The following RPS6KC1 variants were observed in gnomAD, a reference collection of about 807,000 sequenced individuals.
RPS6KC1 encodes the protein ribosomal protein S6 kinase C1, also known as inactive ribosomal protein S6 kinase delta-1.
Under a neutral mutation model 103.8 loss-of-function variants are expected in RPS6KC1, and 54 were observed. The observed-to-expected ratio is 0.52, with a 90% CI of 0.42 to 0.65. The LOEUF is 0.65. RPS6KC1 is among the 30% of genes least tolerant of loss of function. The probability of loss-of-function intolerance (pLI) is 0.00; values close to 1 mark genes in which losing one functional copy is unlikely to be tolerated. For missense variants in RPS6KC1, 1,151 were observed against 1,253.8 expected (o/e 0.92, Z 1.24); for synonymous variants, 439 against 438.7 (o/e 1.00, Z -0.01).
intron 14 of RPS6KC1, among the ~76,000 whole-genome samples, chr1:213,265,792 G>T (rs2094898066): frequency 6.6e-6 from 1 of 152,136 alleles, no homozygotes; most frequent in African/African-American, 2.4e-5. Flanking sequence ...TATGGATTTG[G>T]TAATACCCAA....
chr1:213,395,080 G>C, the RPS6KC1 span, among the ~76,000 whole-genome samples: 1 of 152,168 alleles, frequency 6.6e-6, no homozygotes, highest in Admixed American at 6.5e-5. Flanking sequence ...CTCTTGCCCT[G>C]GCTGCCATTG....
the RPS6KC1 span, among the ~76,000 whole-genome samples, chr1:213,772,741 C>T: frequency 3.3e-5 from 5 of 152,100 alleles, no homozygotes; most frequent in African/African-American, 1.2e-4. Flanking sequence ...CTGAACACCC[C>T]GGAGGCAGGG....
the RPS6KC1 span, among the ~76,000 whole-genome samples, chr1:213,602,885 T>C: frequency 6.6e-6 from 1 of 152,260 alleles, no homozygotes; most frequent in Admixed American, 6.5e-5. Context: ...ATTTTCCCCA[T>C]GGAGATCAGA....
chr1:213,526,970 A>G, the RPS6KC1 span, among the ~76,000 whole-genome samples: 1 of 152,338 alleles, frequency 6.6e-6, no homozygotes, highest in African/African-American at 2.4e-5. Context: ...TACTGAGCCA[A>G]TTCATTGGAT....
chr1:213,151,686 G>A (rs1241580748), intron 6 of RPS6KC1, among the ~76,000 whole-genome samples: 4 of 97,598 alleles, frequency 4.1e-5, no homozygotes, highest in Admixed American at 8.5e-5. Flanking sequence ...GGGCAGACGC[G>A]CCCCTCACCT....
the RPS6KC1 span, among the ~76,000 whole-genome samples, chr1:213,743,408 G>T: frequency 6.6e-6 from 1 of 151,920 alleles, no homozygotes; most frequent in Non-Finnish European, 1.5e-5. Flanking sequence ...AGAGAGGAAT[G>T]GGTGGAAAAA....
intron 5 of RPS6KC1, among the ~76,000 whole-genome samples, chr1:213,119,502 G>C (rs2084133604): frequency 8.6e-6 from 1 of 116,846 alleles, no homozygotes; most frequent in Admixed American, 9.6e-5. Context: ...ATATATATGA[G>C]AGTATTCAAT....
At chr1:213,167,442 ACACACACACACACACACAC>A (rs2091066651) in intron 6 of RPS6KC1, among the ~76,000 whole-genome samples, 1 of 59,188 alleles carries the variant, frequency 1.7e-5, no homozygotes, top group East Asian at 3.5e-4. Flanking sequence ...GGTTGAAAAC[ACACACACACACACACACAC>A]ACACACACAC....
chr1:213,153,524 C>A (rs2089508312), intron 6 of RPS6KC1, among the ~76,000 whole-genome samples: 1 of 152,128 alleles, frequency 6.6e-6, no homozygotes, highest in Non-Finnish European at 1.5e-5. Flanking sequence ...TTGTTTCTGT[C>A]TTATTGTGTT....
chr1:213,523,029 A>G, the RPS6KC1 span, among the ~76,000 whole-genome samples: 1 of 152,180 alleles, frequency 6.6e-6, no homozygotes, highest in African/African-American at 2.4e-5. Context: ...ACTAAGCTTA[A>G]TCATTTCTAG....
chr1:213,423,507 G>C, the RPS6KC1 span, among the ~76,000 whole-genome samples: 2 of 152,200 alleles, frequency 1.3e-5, no homozygotes, highest in African/African-American at 4.8e-5. Flanking sequence ...GACAAGGAGA[G>C]TACCCAGGAG....
chr1:213,287,831 C>T, the RPS6KC1 span, among the ~76,000 whole-genome samples: 1 of 152,224 alleles, frequency 6.6e-6, no homozygotes, highest in Non-Finnish European at 1.5e-5. Context: ...GCTAGCACCA[C>T]TGGGGCTCTA....
chr1:213,600,446 T>C, the RPS6KC1 span, among the ~76,000 whole-genome samples: 1 of 152,214 alleles, frequency 6.6e-6, no homozygotes, highest in Non-Finnish European at 1.5e-5. Context: ...AATTCCATTC[T>C]GGGAACATAA....
At chr1:213,722,397 G>A in the RPS6KC1 span, among the ~76,000 whole-genome samples, 1 of 152,096 alleles carries the variant, frequency 6.6e-6, no homozygotes, top group Non-Finnish European at 1.5e-5. Context: ...ATACTGTGAT[G>A]TTACAATACA....
At chr1:213,211,399 A>G (rs1029980333) in intron 8 of RPS6KC1, among the ~76,000 whole-genome samples, 1 of 152,234 alleles carries the variant, frequency 6.6e-6, no homozygotes, top group Non-Finnish European at 1.5e-5. Flanking sequence ...GGAGAGATCT[A>G]GCTTTTAAAG....
rs1553357688 is a variant in RPS6KC1, at chr1:213,167,489, C to CGCACACAA, written c.836-369_836-368insGCACACAA. On this transcript the variant is annotated intron_variant, in intron 6 of 14. Transcript: ENST00000366960. Reference sequence around the variant, plus strand: ...ACACACACACACACACACACACACACAACAGCTGTTGCATTTGGTCCTATT... The same window carrying CGCACACAA: ...ACACACACACACACACACACACACACGCACACAAAACAGCTGTTGCATTTGGTCCTATT... Among the ~76,000 whole-genome samples the CGCACACAA allele has an allele frequency of 1.6e-3, 196 of 126,180 alleles. 1 individual carries two copies. The South Asian group carries it at 0.016, about 10-fold the overall frequency. 82.8% of individuals were successfully genotyped at this position (126,180 alleles called of 152,430 possible).
chr1:213,112,391 C>T (rs2083109671), intron 4 of RPS6KC1, among the ~76,000 whole-genome samples: 1 of 151,866 alleles, frequency 6.6e-6, no homozygotes, highest in African/African-American at 2.4e-5. Flanking sequence ...CTTTCTGAGG[C>T]GTGAATTTGC....
chr1:213,201,167 A>C (rs753385300), intron 8 of RPS6KC1, among the ~76,000 whole-genome samples: 2 of 152,332 alleles, frequency 1.3e-5, no homozygotes, highest in Middle Eastern at 3.4e-3. Flanking sequence ...GGATGTTTAT[A>C]GCCACTTTAT....
rs1553305852 is a variant in RPS6KC1, at chr1:213,068,913, G to GTA, written c.106-2091_106-2090dup. On this transcript the variant is annotated intron_variant, in intron 1 of 14. Transcript: ENST00000366960. ...TGTGTGTGTGTGTGTGTGTGTGTGT[G>GTA]TATGCCGACTGTGGTGTGCCTATAG... Among the ~76,000 whole-genome samples the GTA allele has an allele frequency of 7.7e-3, 1,117 of 145,504 alleles. 30 individuals carry two copies. The highest frequency in any genetic ancestry group is 0.026 in the African/African-American group (999 of 38,600).
Sources: allele counts gnomAD v4.1 joint callset (sites outside exome capture counted in the v4.1 genomes callset), GRCh38; gene constraint gnomAD v4.1.1; transcripts MANE v1.5; gene names NCBI Gene and HGNC (gene_info 2026-07-23, HGNC 2026-07-21).